UBA6: variants seen among roughly 807,000 people sequenced by gnomAD.
UBA6 encodes the protein ubiquitin-like modifier-activating enzyme 6.
In UBA6, 87 loss-of-function variants were observed where a neutral mutation model predicts 148.3. The ratio of observed to expected loss-of-function variants is 0.59; its 90% confidence interval spans 0.49 to 0.70. The LOEUF is 0.70. Ranked by LOEUF, UBA6 falls within the 30% of genes least tolerant of loss-of-function variation. The pLI, the probability that UBA6 is intolerant of heterozygous loss-of-function variation, is 0.00. For synonymous variants in UBA6, 376 were observed against 401.0 expected, an observed-to-expected ratio of 0.94 and a Z score of 0.75; for missense variants, 1,186 against 1,241.2, an observed-to-expected ratio of 0.96 and a Z score of 0.67.
Position 67,665,244 on chromosome 4 carries a change from G to A in UBA6, c.842C>T (p.Pro281Leu). The stretch of plus-strand genomic sequence containing the variant: ...GACAGCTATGCCTCCATGTAAATAT[G>A]GTTCCAGTTCTGTGGTGTCACCAAT... ...FSIGDTTELE[P>L]YLHGGIAVQV... The change falls in exon 10 of 33, where the codon CCA becomes CTA. Residue 281 changes from proline to leucine, a missense_variant. Transcript: ENST00000322244. 1 of 1,606,672 alleles carries A rather than the reference G, an allele frequency of 6.2e-7. No individual in the cohort carries two copies. Among genetic ancestry groups the A allele is most frequent in the Non-Finnish European group, 8.5e-7 (1 of 1,177,780 alleles).
intron 14 of UBA6, 71 bp downstream of exon 14, chr4:67,648,997 T>C (rs554134820): frequency 6.8e-7 from 1 of 1,479,226 alleles, no homozygotes; most frequent in African/African-American, 1.4e-5. Context: ...AATATATTAA[T>C]ACTACATTAT....
chr4:67,644,693 C>A lies in UBA6; in HGVS notation c.1476+5G>T. 6.5e-7 allele frequency: 1 copy of A among 1,547,948 alleles called. No individual in the cohort carries two copies. Among genetic ancestry groups the A allele is most frequent in the Non-Finnish European group, 8.9e-7 (1 of 1,120,090 alleles). ...ACTTTTAACTCTCAAGAATTGATAT[C>A]TTACCATTCCTTTCTCTTTGCTTGT... On this transcript the variant is annotated splice_donor_5th_base_variant and intron_variant, in intron 17 of 32. Coordinates refer to ENST00000322244, the MANE Select transcript of UBA6 (RefSeq NM_018227.6).
intron 22 of UBA6, among the ~76,000 whole-genome samples, chr4:67,633,837 C>T (rs1729059111): frequency 6.6e-6 from 1 of 152,022 alleles, no homozygotes; most frequent in Non-Finnish European, 1.5e-5. Flanking sequence ...AGTGAGAAAA[C>T]ATCTTTAAAG....
At position 67,697,367 on chromosome 4, in the gene UBA6, T is replaced by C. The variant is rs543485145; in HGVS notation, c.72-660A>G. On this transcript the variant is annotated intron_variant, in intron 1 of 32. Coordinates refer to ENST00000322244, the MANE Select transcript of UBA6 (RefSeq NM_018227.6). ...AATTCTGTACCATGAACTTTCTCTA[T>C]ATATACAGTCTTCCCAGATAAACTC... Among the ~76,000 whole-genome samples the C allele has an allele frequency of 5.3e-5, 8 of 152,342 alleles. No homozygotes were observed. In the East Asian group the frequency reaches 9.7e-4, roughly 18 times the overall value.
At position 67,622,855 on chromosome 4, in the gene UBA6, C is replaced by T. The variant is rs1442957773; in HGVS notation, c.2999G>A (p.Gly1000Asp). Residue 1000 changes from glycine to aspartate, a missense_variant, in exon 32 of 33, where the codon GGT becomes GAT. By Grantham distance (94) the Gly-to-Asp change is moderately conservative. Transcript: ENST00000322244. ...VKMLYVPVMP[G>D]HAKRLKLTMH... is the part of the protein sequence containing the mutation. ...CGTTAACTTCAATCTTTTTGCATGA[C>T]CAGGCATTACAGGAACATAAAGCAT... is the stretch of plus-strand genomic sequence containing the variant. The T allele has an allele frequency of 6.2e-7, 1 of 1,611,966 alleles. No individual in the cohort carries two copies. Among genetic ancestry groups the T allele is most frequent in the Non-Finnish European group, 8.5e-7 (1 of 1,179,102 alleles).
chr4:67,635,415 T>C (rs1729114150), intron 20 of UBA6, 38 bp downstream of exon 20: 2 of 1,277,082 alleles, frequency 1.6e-6, no homozygotes, highest in Non-Finnish European at 2.3e-6. Context: ...TTACAAGATA[T>C]AAAAAAGACA....
At chr4:67,695,447 G>A (rs976465644) in intron 2 of UBA6, among the ~76,000 whole-genome samples, 1 of 152,050 alleles carries the variant, frequency 6.6e-6, no homozygotes, top group South Asian at 2.1e-4. Flanking sequence ...CATCATTTCT[G>A]ATCACCCTAT....
Position 67,622,929 on chromosome 4 carries a change from A to C in UBA6, c.2929-4T>G. 1 of 1,596,410 alleles carries C rather than the reference A, an allele frequency of 6.3e-7. No homozygotes were observed. Among genetic ancestry groups the C allele is most frequent in the Non-Finnish European group, 8.5e-7 (1 of 1,170,790 alleles). Reference sequence around the variant, plus strand: ...TTGGCTCAATTCCATACTTCTCCTAAAAGTGAATATCCAAAAAAGAAACAA... The same window carrying C: ...TTGGCTCAATTCCATACTTCTCCTACAAGTGAATATCCAAAAAAGAAACAA... On this transcript the variant is annotated splice_polypyrimidine_tract_variant and splice_region_variant and intron_variant, in intron 31 of 32. Transcript: ENST00000322244.
chr4:67,619,077 A>G lies in UBA6; in HGVS notation c.3079T>C (p.Ser1027Pro). 6.2e-7 allele frequency: 1 copy of G among 1,612,458 alleles called. No individual in the cohort carries two copies. The highest frequency in any genetic ancestry group is 1.3e-5 in the African/African-American group (1 of 75,028). Residue 1027 changes from serine (S) to proline (P), a missense_variant, in exon 33 of 33, where the codon TCA becomes CCA. Coordinates refer to ENST00000322244, the MANE Select transcript of UBA6 (RefSeq NM_018227.6). ...TCTCCATCAATGTCTGGAGCAAATGACACAGTAAGATCCACATATTTCTTT... is the reference window on the plus strand; with the variant it reads ...TCTCCATCAATGTCTGGAGCAAATGGCACAGTAAGATCCACATATTTCTTT... ...TEKKYVDLTVSFAPDIDGDED... is the reference protein window; with the variant it reads ...TEKKYVDLTVPFAPDIDGDED...
Position 67,677,653 on chromosome 4 carries a change from AG to A in UBA6, c.422del (p.Pro141LeufsTer11). 6.2e-7 allele frequency: 1 copy of A among 1,605,344 alleles called. No homozygotes were observed. Among genetic ancestry groups the A allele is most frequent in the Non-Finnish European group, 8.5e-7 (1 of 1,173,086 alleles). On this transcript the variant is annotated frameshift_variant, in exon 6 of 33. Coordinates refer to ENST00000322244, the MANE Select transcript of UBA6 (RefSeq NM_018227.6). LOFTEE classifies it high-confidence loss of function. Reference sequence around the variant, plus strand: ...AGGAGAGATCTGTGGTCTCATTGAAAGGAACAGAAGATGATGTGACATGAAC... The same window carrying A: ...AGGAGAGATCTGTGGTCTCATTGAAAGAACAGAAGATGATGTGACATGAAC... ...PYVHVTSSSV[P>X]FNETTDLSFL... is the part of the protein sequence containing the mutation.
intron 1 of UBA6, among the ~76,000 whole-genome samples, chr4:67,698,825 T>C (rs1201169261): frequency 6.6e-6 from 1 of 152,032 alleles, no homozygotes; most frequent in African/African-American, 2.4e-5. Flanking sequence ...CCAGATGTAG[T>C]AGCAGGCGCC....
At chr4:67,648,988 A>G in intron 14 of UBA6, 80 bp downstream of exon 14, 1 of 1,414,734 alleles carries the variant, frequency 7.1e-7, no homozygotes. Context: ...CGCTTTTCTA[A>G]TATATTAATA....
intron 13 of UBA6, among the ~76,000 whole-genome samples, chr4:67,659,778 G>T (rs1306616445): frequency 6.6e-6 from 1 of 152,084 alleles, no homozygotes; most frequent in African/African-American, 2.4e-5. Context: ...GAATAGTTTG[G>T]AGGGCTCGTA....
intron 5 of UBA6, among the ~76,000 whole-genome samples, chr4:67,678,111 T>C (rs909987410): frequency 2.1e-4 from 31 of 147,358 alleles, no homozygotes; most frequent in African/African-American, 7.6e-4. Flanking sequence ...TTATATGTAA[T>C]ATATATTATA....
In UBA6 at chr4:67,615,388, C is replaced by A. The variant is rs1233455803; in HGVS notation, c.*3609G>T. ...GCAATGTTTGTACAACCTGCTGAAC[C>A]ATGAGCCAAATAAACCTTTTTTCTT... On this transcript the variant is annotated 3_prime_UTR_variant, in exon 33 of 33. Coordinates refer to ENST00000322244, the MANE Select transcript of UBA6 (RefSeq NM_018227.6). 1 of 152,172 alleles carries A rather than the reference C, an allele frequency of 6.6e-6. No individual in the cohort carries two copies. The highest frequency in any genetic ancestry group is 1.5e-5 in the Non-Finnish European group (1 of 68,038). The allele number at this position is 152,172 out of a possible 1,614,324, so 9.4% of individuals were successfully genotyped here.
rs552522823 is a variant in UBA6 at position 67,682,247 on chromosome 4, A to C, written c.135-34T>G. ...AAAACACAATAAAAAACAAAAAATT[A>C]TTTCACTGAAATTATAATATCTCTT... On this transcript the variant is annotated intron_variant, in intron 2 of 32. Coordinates refer to ENST00000322244, the MANE Select transcript of UBA6 (RefSeq NM_018227.6). The C allele has an allele frequency of 9.3e-6, 14 of 1,509,940 alleles. No individual in the cohort carries two copies. In the African/African-American group the frequency reaches 1.9e-4, roughly 21 times the overall value. 93.5% of individuals were successfully genotyped at this position (1,509,940 alleles called of 1,614,324 possible).
chr4:67,664,740 T>C (rs190196129), intron 10 of UBA6, among the ~76,000 whole-genome samples: 1 of 152,224 alleles, frequency 6.6e-6, no homozygotes, highest in African/African-American at 2.4e-5. Flanking sequence ...AAAATTAAAT[T>C]AAAATTTAAA....
At chr4:67,654,984 AAG>A (rs1729650890) in intron 13 of UBA6, among the ~76,000 whole-genome samples, 1 of 152,220 alleles carries the variant, frequency 6.6e-6, no homozygotes. Flanking sequence ...ATTCAACAAG[AAG>A]AGCTAACTAT....
intron 4 of UBA6, among the ~76,000 whole-genome samples, chr4:67,680,499 A>G (rs1290844804): frequency 6.6e-6 from 1 of 152,196 alleles, no homozygotes; most frequent in Non-Finnish European, 1.5e-5. Context: ...AGGAAGGGAA[A>G]TCTATAGATT....
Sources: gnomAD v4.1 joint callset for allele counts (sites outside exome capture counted in the v4.1 genomes callset) on GRCh38, gnomAD v4.1.1 for gene constraint, MANE v1.5 for transcripts, NCBI Gene and HGNC (gene_info 2026-07-23, HGNC 2026-07-21) for gene names.